Variants in SATL1 observed in about 807,000 individuals in gnomAD.
SATL1 encodes spermidine/spermine N1-acetyl transferase like 1.
A neutral mutation model predicts 51.8 loss-of-function variants in SATL1; 47 were observed. The observed-to-expected ratio is 0.91, with a 90% CI of 0.72 to 1.16. The LOEUF (loss-of-function observed/expected upper bound fraction) is 1.16. Ranked by LOEUF, SATL1 falls within the 50% of genes most tolerant of loss-of-function variation. The pLI is 0.00. For missense variants in SATL1, 520 were observed against 526.4 expected (o/e 0.99, Z 0.12); for synonymous variants, 176 against 182.4 (o/e 0.97, Z 0.28).
chrX:85,189,316 TC>T (rs931184730), intron 2 of SATL1, among the ~76,000 whole-genome samples: 2 of 111,576 alleles, frequency 1.8e-5, no homozygotes, highest in African/African-American at 6.5e-5. Flanking sequence ...TGCCATGCTA[TC>T]CCTGGTTATA....
chrX:85,185,699 A>G (rs6653043), intron 2 of SATL1, among the ~76,000 whole-genome samples: 27,710 of 110,242 alleles, frequency 0.25, 3,906 homozygotes, highest in African/African-American at 0.53. Flanking sequence ...AACGCTGTCA[A>G]GCCTGAGTCT....
intron 1 of SATL1, among the ~76,000 whole-genome samples, chrX:85,236,164 A>G (rs945823024): frequency 1.8e-5 from 2 of 111,544 alleles, no homozygotes; most frequent in African/African-American, 6.5e-5. Context: ...GAACAAACCA[A>G]TAACAAGTAA....
At chrX:85,151,164 C>T (rs1478312439) in intron 2 of SATL1, among the ~76,000 whole-genome samples, 1 of 109,422 alleles carries the variant, frequency 9.1e-6, no homozygotes, top group Non-Finnish European at 1.9e-5. Context: ...CATTCTTATA[C>T]ACCAATAACA....
intron 2 of SATL1, among the ~76,000 whole-genome samples, chrX:85,158,223 T>C (rs1003791927): frequency 2.7e-5 from 3 of 111,263 alleles, no homozygotes; most frequent in African/African-American, 9.8e-5. Flanking sequence ...TTGAATTGTC[T>C]ATGTTAACCT....
chrX:85,241,826 T>G (rs1928601648), intron 1 of SATL1, among the ~76,000 whole-genome samples: 1 of 112,151 alleles, frequency 8.9e-6, no homozygotes, highest in Non-Finnish European at 1.9e-5. Flanking sequence ...AGCAGAGAAA[T>G]AAGTCAGGAG....
intron 2 of SATL1, among the ~76,000 whole-genome samples, chrX:85,136,674 G>A (rs1290149099): frequency 4.5e-5 from 5 of 111,765 alleles, no homozygotes; most frequent in African/African-American, 1.6e-4. Flanking sequence ...GAAGGGAATG[G>A]AATAAAAATG....
chrX:85,137,477 A>G (rs1031439965), intron 2 of SATL1, among the ~76,000 whole-genome samples: 1 of 110,944 alleles, frequency 9.0e-6, no homozygotes, highest in Non-Finnish European at 1.9e-5. Flanking sequence ...CTCCACCTAC[A>G]CTGCCACCAC....
Position 85,203,945 on chromosome X carries a change from C to A in SATL1, c.-313+20260G>T, listed in dbSNP as rs918439751. 9.8e-5 allele frequency among the ~76,000 whole-genome samples: 11 copies of A among 112,039 alleles called. No homozygotes were observed. The East Asian group carries it at 2.8e-3, about 29-fold the overall frequency. On this transcript the variant is annotated intron_variant, in intron 2 of 7. Coordinates refer to ENST00000644105, the MANE Select transcript of SATL1 (RefSeq NM_001367857.2). ...CCTAGGAGTATGTACAGGAGTGTAA[C>A]TTTTCACTTTGCCAAAGCTGCAGCT...
chrX:85,144,481 C>A (rs1926184225), intron 2 of SATL1, among the ~76,000 whole-genome samples: 1 of 111,719 alleles, frequency 9.0e-6, no homozygotes, highest in African/African-American at 3.3e-5. Context: ...TTCAGACAAT[C>A]TGAACTCTGA....
At chrX:85,116,632 C>G (rs1925388861) in intron 2 of SATL1, among the ~76,000 whole-genome samples, 1 of 111,507 alleles carries the variant, frequency 9.0e-6, no homozygotes, top group Admixed American at 9.5e-5. Context: ...CTTGAGCCCA[C>G]TCACTCAACT....
chrX:85,191,021 T>C (rs144891353), intron 2 of SATL1, among the ~76,000 whole-genome samples: 13,461 of 106,412 alleles, frequency 0.13, 686 homozygotes, highest in South Asian at 0.18. Context: ...CTAATGTAAA[T>C]GATGAGTTAA....
intron 3 of SATL1, among the ~76,000 whole-genome samples, chrX:85,105,952 A>C (rs1017962005): frequency 4.5e-5 from 5 of 111,945 alleles, no homozygotes; most frequent in Admixed American, 3.8e-4. Flanking sequence ...TTAAAAAGTA[A>C]ATGTGGCCAG....
Position 85,108,613 on chromosome X carries a change from G to A in SATL1, c.356C>T (p.Pro119Leu). 2 of 1,202,972 alleles carry A rather than the reference G, an allele frequency of 1.7e-6. No homozygotes were observed. Among genetic ancestry groups the A allele is most frequent in the Non-Finnish European group, 2.2e-6 (2 of 890,953 alleles). The change falls in exon 3 of 8, where the codon CCC (proline) becomes CTC (leucine). Residue 119 changes from proline to leucine, a missense_variant. By Grantham distance (98) the Pro-to-Leu change is moderately conservative. This residue lies in a region of SATL1 where 488 missense variants were observed against 474.3 expected (regional missense o/e 1.03). Coordinates refer to ENST00000644105, the MANE Select transcript of SATL1 (RefSeq NM_001367857.2). ...PSQPGPSQSG[P>L]SQSRMRQIGT... is the part of the protein sequence containing the mutation. ...TATTTGCCTCATGCGTGATTGGCTG[G>A]GGCCTGATTGGCTTGGGCCTGGTTG...
At chrX:85,120,296 G>C (rs1925476127) in intron 2 of SATL1, among the ~76,000 whole-genome samples, 1 of 111,067 alleles carries the variant, frequency 9.0e-6, no homozygotes, top group Admixed American at 9.7e-5. Context: ...CTGTCTTTCT[G>C]GAATGTCCCC....
intron 2 of SATL1, among the ~76,000 whole-genome samples, chrX:85,181,483 A>G (rs1217758418): frequency 9.1e-6 from 1 of 110,309 alleles, no homozygotes; most frequent in Non-Finnish European, 1.9e-5. Flanking sequence ...AGCATTCCAG[A>G]CTACCTCAGA....
intron 2 of SATL1, among the ~76,000 whole-genome samples, chrX:85,155,758 C>G (rs1191308292): frequency 1.8e-5 from 2 of 111,378 alleles, no homozygotes; most frequent in East Asian, 5.7e-4. Flanking sequence ...CAATTCCCTG[C>G]CCCATAAATC....
chrX:85,143,867 A>G (rs1926167843), intron 2 of SATL1, among the ~76,000 whole-genome samples: 1 of 111,443 alleles, frequency 9.0e-6, no homozygotes, highest in Non-Finnish European at 1.9e-5. Context: ...TAAATGTTGT[A>G]CCAGATTTTT....
At chrX:85,112,883 G>C (rs1022232407) in intron 2 of SATL1, among the ~76,000 whole-genome samples, 2 of 111,548 alleles carry the variant, frequency 1.8e-5, no homozygotes, top group Non-Finnish European at 3.8e-5. Flanking sequence ...TGGTCAGGAG[G>C]GCTCTCCTGC....
intron 2 of SATL1, among the ~76,000 whole-genome samples, chrX:85,116,681 T>A (rs182218669): frequency 8.4e-4 from 93 of 111,147 alleles, no homozygotes; most frequent in Non-Finnish European, 1.5e-3. Flanking sequence ...GAGAAACAGT[T>A]AACAACCAAC....
Sources: gnomAD v4.1 joint callset for allele counts (sites outside exome capture counted in the v4.1 genomes callset) on GRCh38, gnomAD v4.1.1 for gene constraint, gnomAD v4.1.1 regional missense constraint, MANE v1.5 for transcripts, NCBI Gene and HGNC (gene_info 2026-07-23, HGNC 2026-07-21) for gene names.